The following COQ2 variants were observed in gnomAD, a reference collection of about 807,000 sequenced individuals.
COQ2 encodes the protein 4-hydroxybenzoate polyprenyltransferase, mitochondrial.
In COQ2, 25 loss-of-function variants were observed where a neutral mutation model predicts 35.7. The observed-to-expected ratio is 0.70, with a 90% CI of 0.51 to 0.98. COQ2 has a LOEUF of 0.98. Ranked by LOEUF, COQ2 falls within the 50% of genes least tolerant of loss-of-function variation. The probability of loss-of-function intolerance (pLI) is 0.00; values close to 1 mark genes in which losing one functional copy is unlikely to be tolerated. For synonymous variants in COQ2, 206 were observed against 186.2 expected, an observed-to-expected ratio of 1.11 and a Z score of -0.86; for missense variants, 488 against 473.5, an observed-to-expected ratio of 1.03 and a Z score of -0.28.
At chr4:83,276,663 AACT>A (rs1351013886) in intron 2 of COQ2, among the ~76,000 whole-genome samples, 1 of 152,154 alleles carries the variant, frequency 6.6e-6, no homozygotes, top group East Asian at 1.9e-4. Context: ...CTAAAAACAG[AACT>A]ACTAATTCAA....
intron 1 of COQ2, among the ~76,000 whole-genome samples, chr4:83,279,475 C>T (rs906654299): frequency 5.9e-5 from 9 of 152,130 alleles, no homozygotes; most frequent in Admixed American, 5.9e-4. Flanking sequence ...TCTGACAACA[C>T]ACTCTAGGGA....
chr4:83,265,899 A>C (rs1435381705), intron 6 of COQ2, among the ~76,000 whole-genome samples: 1 of 152,026 alleles, frequency 6.6e-6, no homozygotes. Flanking sequence ...TCCTGACCTC[A>C]AGTGATCTGC....
Position 83,267,615 on chromosome 4 carries a change from C to G in COQ2, c.922G>C (p.Gly308Arg). 6.3e-7 allele frequency: 1 copy of G among 1,586,450 alleles called. No homozygotes were observed. The highest frequency in any genetic ancestry group is 8.6e-7 in the Non-Finnish European group (1 of 1,166,758). ...GQTAPYYAALGAVGAHLTHQI... is the reference protein window; with the variant it reads ...GQTAPYYAALRAVGAHLTHQI... ...TGAGTCAGATGGGCTCCTACAGCACCCAGGGCAGCGTAGTAGGGAGCAGTC... is the reference window on the plus strand; with the variant it reads ...TGAGTCAGATGGGCTCCTACAGCACGCAGGGCAGCGTAGTAGGGAGCAGTC... The change falls in exon 6 of 7, where the codon GGT becomes CGT. Residue 308 changes from glycine (G) to arginine (R), a missense_variant. Physicochemically the swap from Gly to Arg is moderately radical, Grantham distance 125. Transcript: ENST00000647002.
At chr4:83,268,513 A>G (rs1734975424) in intron 5 of COQ2, among the ~76,000 whole-genome samples, 1 of 152,216 alleles carries the variant, frequency 6.6e-6, no homozygotes. Flanking sequence ...AAATCCAAAT[A>G]ACAATGACTG....
chr4:83,271,658 C>T (rs1735049859), intron 4 of COQ2, among the ~76,000 whole-genome samples: 1 of 152,084 alleles, frequency 6.6e-6, no homozygotes, highest in African/African-American at 2.4e-5. Context: ...ACAAGAAATA[C>T]AAAAATTAGC....
intron 3 of COQ2, 21 bp downstream of exon 3, chr4:83,273,475 T>C: frequency 6.3e-7 from 1 of 1,596,966 alleles, no homozygotes; most frequent in Non-Finnish European, 8.5e-7. Flanking sequence ...TTATACATGA[T>C]GTGGAAAACG....
chr4:83,264,393 A>C (rs747227406), intron 6 of COQ2, 30 bp from the exon 7 acceptor site: 1 of 1,569,200 alleles, frequency 6.4e-7, no homozygotes, highest in Non-Finnish European at 8.6e-7. Context: ...AGTTGTATTA[A>C]TACCTAGTCT....
At chr4:83,279,827 C>T (rs79162961) in intron 1 of COQ2, among the ~76,000 whole-genome samples, 3,456 of 150,186 alleles carry the variant, frequency 0.023, 140 homozygotes, top group African/African-American at 0.079. Context: ...TTTCCTTTAC[C>T]ATTGTTAGTA....
chr4:83,277,581 G>A (rs945423063), intron 2 of COQ2, among the ~76,000 whole-genome samples: 18 of 152,176 alleles, frequency 1.2e-4, no homozygotes, highest in African/African-American at 4.3e-4. Context: ...ACTAAACCCT[G>A]AATGTCAGGA....
intron 6 of COQ2, among the ~76,000 whole-genome samples, chr4:83,265,250 G>A (rs1039718662): frequency 2.6e-5 from 4 of 152,076 alleles, no homozygotes; most frequent in Admixed American, 6.5e-5. Context: ...AAAAGGCTAC[G>A]TCCATCTTTA....
intron 2 of COQ2, among the ~76,000 whole-genome samples, chr4:83,276,307 C>T (rs6833236): frequency 0.022 from 3,317 of 151,650 alleles, 134 homozygotes; most frequent in African/African-American, 0.076. Flanking sequence ...CTTTGTTGGA[C>T]GCATTGTTTG....
At chr4:83,271,606 G>C (rs975446992) in intron 4 of COQ2, among the ~76,000 whole-genome samples, 1 of 152,116 alleles carries the variant, frequency 6.6e-6, no homozygotes, top group African/African-American at 2.4e-5. Context: ...TGAGCTCAGG[G>C]GTTTGAGACC....
intron 1 of COQ2, among the ~76,000 whole-genome samples, chr4:83,281,221 G>A (rs1735312880): frequency 6.6e-6 from 1 of 152,154 alleles, no homozygotes; most frequent in South Asian, 2.1e-4. Context: ...AGTTCACAAG[G>A]GACAGAGGAG....
chr4:83,284,970 A>G (rs898574662), upstream of COQ2: 33 of 1,191,192 alleles, frequency 2.8e-5, no homozygotes, highest in Non-Finnish European at 3.4e-5. Flanking sequence ...TCTATTGGCA[A>G]AAGGCAAAAA....
At chr4:83,279,586 A>AATAT (rs143582086) in intron 1 of COQ2, among the ~76,000 whole-genome samples, 1 of 150,396 alleles carries the variant, frequency 6.6e-6, no homozygotes, top group African/African-American at 2.4e-5. Context: ...TGTGTATATA[A>AATAT]ATATATATAT....
chr4:83,282,284 A>G (rs1395651800), intron 1 of COQ2, among the ~76,000 whole-genome samples: 2 of 152,194 alleles, frequency 1.3e-5, no homozygotes, highest in African/African-American at 2.4e-5. Flanking sequence ...AAGAAGCTGT[A>G]TTGCCTTCTC....
rs1385805069 is a variant in COQ2, at chr4:83,264,259, C to A, written c.1056G>T (p.Leu352Phe). Reference sequence around the variant, plus strand: ...TTTTGTCTGTCTTCTTTTCTTTCCACAAATTCCCAAGGACAATCCCTAAAA... The same window carrying A: ...TTTTGTCTGTCTTCTTTTCTTTCCAAAAATTCCCAAGGACAATCCCTAAAA... ...IVFLGIVLGN[L>F]WKEKKTDKTK... The change falls in exon 7 of 7, where the codon TTG becomes TTT. Residue 352 changes from leucine (L) to phenylalanine (F), a missense_variant. Coordinates refer to ENST00000647002, the MANE Select transcript of COQ2 (RefSeq NM_001358921.2). The A allele has an allele frequency of 6.2e-7, 1 of 1,608,700 alleles. No individual in the cohort carries two copies. The highest frequency in any genetic ancestry group is 8.5e-7 in the Non-Finnish European group (1 of 1,177,874).
chr4:83,264,586 A>T (rs749272976), intron 6 of COQ2, among the ~76,000 whole-genome samples: 16 of 152,178 alleles, frequency 1.1e-4, no homozygotes, highest in Non-Finnish European at 1.9e-4. Flanking sequence ...GCAATAAGCC[A>T]TGATCACCCT....
rs1252118139 is a variant in COQ2 at position 83,264,380 on chromosome 4, C to T, written c.952-17G>A. On this transcript the variant is annotated splice_polypyrimidine_tract_variant and intron_variant, in intron 6 of 6. Transcript: ENST00000647002. The stretch of plus-strand genomic sequence containing the variant: ...AGTGTAAATCTGCAAGAGAGGAATA[C>T]AAAGTTGTATTAATACCTAGTCTGG... The T allele has an allele frequency of 1.3e-6, 2 of 1,583,866 alleles. No individual in the cohort carries two copies. The highest frequency in any genetic ancestry group is 2.7e-5 in the African/African-American group (2 of 72,828).
Sources: gnomAD v4.1 joint callset for allele counts (sites outside exome capture counted in the v4.1 genomes callset) on GRCh38, gnomAD v4.1.1 for gene constraint, MANE v1.5 for transcripts, NCBI Gene and HGNC (gene_info 2026-07-23, HGNC 2026-07-21) for gene names.